STK38L: variants seen among roughly 807,000 people sequenced by gnomAD.
STK38L encodes the protein serine/threonine kinase 38 like, also known as serine/threonine-protein kinase 38-like.
STK38L carries 28 observed loss-of-function variants against 59.7 expected under a neutral mutation model. That is an observed-to-expected ratio of 0.47 (90% CI 0.35 to 0.64). The LOEUF is 0.64. Among genes scored for constraint, STK38L ranks in the 30% least tolerant of loss-of-function variants. The probability of loss-of-function intolerance (pLI) is 0.01; values close to 1 mark genes in which losing one functional copy is unlikely to be tolerated. For missense variants in STK38L, 314 were observed against 555.8 expected (o/e 0.56, Z 4.37); for synonymous variants, 162 against 176.8 (o/e 0.92, Z 0.66).
intron 1 of STK38L, among the ~76,000 whole-genome samples, chr12:27,259,776 C>T (rs1943166959): frequency 6.6e-6 from 1 of 152,118 alleles, no homozygotes; most frequent in Non-Finnish European, 1.5e-5. Context: ...GTAGCCCTTG[C>T]TGATTTTCTT....
intron 1 of STK38L, among the ~76,000 whole-genome samples, chr12:27,278,545 C>T (rs1370055762): frequency 6.6e-6 from 1 of 152,260 alleles, no homozygotes; most frequent in Non-Finnish European, 1.5e-5. Context: ...TTGATAGGTG[C>T]TAGTACCTAA....
At chr12:27,261,932 C>A (rs951567243) in intron 1 of STK38L, among the ~76,000 whole-genome samples, 6 of 152,222 alleles carry the variant, frequency 3.9e-5, no homozygotes, top group African/African-American at 1.4e-4. Context: ...GTATATATGG[C>A]ATACAGTTCT....
chr12:27,301,468 G>C (rs983214141), intron 2 of STK38L, among the ~76,000 whole-genome samples: 4 of 152,170 alleles, frequency 2.6e-5, no homozygotes, highest in Non-Finnish European at 5.9e-5. Context: ...CACAGTGTTA[G>C]CCAAGATGGT....
chr12:27,314,989 T>C (rs1394989412), intron 7 of STK38L, 26 bp from the exon 8 acceptor site: 1 of 1,545,426 alleles, frequency 6.5e-7, no homozygotes, highest in South Asian at 1.2e-5. Flanking sequence ...GTTAATATGA[T>C]CTAATTTTAC....
intron 1 of STK38L, among the ~76,000 whole-genome samples, chr12:27,248,249 C>A (rs367948037): frequency 2.0e-5 from 3 of 152,150 alleles, no homozygotes; most frequent in East Asian, 3.8e-4. Flanking sequence ...CTTATAATGG[C>A]AGAAACAGGG....
intron 1 of STK38L, among the ~76,000 whole-genome samples, chr12:27,279,903 G>T (rs776207484): frequency 1.3e-4 from 20 of 152,004 alleles, no homozygotes; most frequent in Non-Finnish European, 2.4e-4. Context: ...TATAGCTGAG[G>T]GTTCTGAGCT....
intron 3 of STK38L, among the ~76,000 whole-genome samples, chr12:27,305,980 T>A (rs1400462669): frequency 6.7e-6 from 1 of 150,078 alleles, no homozygotes; most frequent in Non-Finnish European, 1.5e-5. Flanking sequence ...TTTTCACCAA[T>A]TTTTTTTTTA....
intron 1 of STK38L, among the ~76,000 whole-genome samples, chr12:27,256,464 T>C (rs1943094488): frequency 6.6e-6 from 1 of 152,248 alleles, no homozygotes; most frequent in South Asian, 2.1e-4. Context: ...TCCTGTGCTT[T>C]CTTTGGTATT....
chr12:27,292,228 T>G (rs769577315), intron 1 of STK38L, among the ~76,000 whole-genome samples: 1 of 152,218 alleles, frequency 6.6e-6, no homozygotes. Context: ...TGCAATACAA[T>G]AAGTGCCAGT....
chr12:27,253,442 C>G (rs1480128782), intron 1 of STK38L, among the ~76,000 whole-genome samples: 1 of 22,618 alleles, frequency 4.4e-5, no homozygotes, highest in Non-Finnish European at 6.7e-5. Flanking sequence ...ATGGATGGGT[C>G]TCTCTAGTGA....
chr12:27,270,242 C>G (rs1339634861), intron 1 of STK38L, among the ~76,000 whole-genome samples: 1 of 152,028 alleles, frequency 6.6e-6, no homozygotes, highest in African/African-American at 2.4e-5. Context: ...GACAGTGTCT[C>G]CATCACCCAG....
chr12:27,276,095 C>T lies in STK38L; in HGVS notation c.-11-21615C>T, dbSNP rs921495092. The stretch of plus-strand genomic sequence containing the variant: ...AGCTTTGAGATTTTTTTTAAAAAAA[C>T]TTCATTATGGAAAAATTTAAGTATA... On this transcript the variant is annotated intron_variant, in intron 1 of 13. Coordinates refer to ENST00000389032, the MANE Select transcript of STK38L (RefSeq NM_015000.4). Among the ~76,000 whole-genome samples the T allele has an allele frequency of 3.8e-4, 58 of 152,038 alleles. 1 individual carries two copies. The highest frequency in any genetic ancestry group is 1.3e-3 in the African/African-American group (52 of 41,388).
At chr12:27,250,996 C>CAAA (rs34643896) in intron 1 of STK38L, among the ~76,000 whole-genome samples, 4 of 104,986 alleles carry the variant, frequency 3.8e-5, no homozygotes, top group African/African-American at 1.1e-4. Context: ...GACTCTGTCT[C>CAAA]AAAAAAAAAA....
At chr12:27,270,505 G>A (rs1378620935) in intron 1 of STK38L, among the ~76,000 whole-genome samples, 1 of 152,176 alleles carries the variant, frequency 6.6e-6, no homozygotes, top group Non-Finnish European at 1.5e-5. Flanking sequence ...AGCCTCCCGA[G>A]TAGCAGGGAT....
intron 1 of STK38L, among the ~76,000 whole-genome samples, chr12:27,294,960 A>T (rs1385624652): frequency 1.3e-5 from 2 of 152,016 alleles, no homozygotes; most frequent in Non-Finnish European, 2.9e-5. Context: ...TTGGCCTCAC[A>T]AAGTGCCAGG....
intron 1 of STK38L, among the ~76,000 whole-genome samples, chr12:27,261,738 C>A (rs534239550): frequency 1.3e-5 from 2 of 152,282 alleles, no homozygotes; most frequent in African/African-American, 4.8e-5. Flanking sequence ...TTCTTAAGTT[C>A]TTCTCTAAAT....
chr12:27,320,413 T>C (rs577328000), intron 12 of STK38L, among the ~76,000 whole-genome samples: 2 of 151,368 alleles, frequency 1.3e-5, no homozygotes, highest in Non-Finnish European at 2.9e-5. Flanking sequence ...ACTATAGGCA[T>C]GTGCCACCAC....
chr12:27,250,935 C>T (rs1942960484), intron 1 of STK38L, among the ~76,000 whole-genome samples: 1 of 146,838 alleles, frequency 6.8e-6, no homozygotes, highest in Non-Finnish European at 1.5e-5. Context: ...GGAGGTGGAG[C>T]TTGCAGTGAG....
At chr12:27,282,927 T>C (rs1008979088) in intron 1 of STK38L, among the ~76,000 whole-genome samples, 1 of 152,192 alleles carries the variant, frequency 6.6e-6, no homozygotes, top group East Asian at 1.9e-4. Flanking sequence ...TCTAGCTGTA[T>C]GATCTTGGGT....
Sources: allele counts gnomAD v4.1 joint callset (sites outside exome capture counted in the v4.1 genomes callset), GRCh38; gene constraint gnomAD v4.1.1; transcripts MANE v1.5; gene names NCBI Gene and HGNC (gene_info 2026-07-23, HGNC 2026-07-21).